The following MFSD2B variants were observed in gnomAD, a reference collection of about 807,000 sequenced individuals.
MFSD2B encodes sphingosine-1-phosphate transporter MFSD2B.
In MFSD2B, 56 loss-of-function variants were observed where a neutral mutation model predicts 58.4. The ratio of observed to expected loss-of-function variants is 0.96; its 90% CI spans 0.77 to 1.20. The LOEUF (loss-of-function observed/expected upper bound fraction) is 1.20, where lower values mean the gene tolerates loss of function less well. MFSD2B is among the 50% of genes most tolerant of loss of function. The probability of loss-of-function intolerance (pLI) is 0.00; values close to 1 mark genes in which losing one functional copy is unlikely to be tolerated. For synonymous variants in MFSD2B, 287 were observed against 294.4 expected (o/e 0.97, Z 0.26); for missense variants, 645 against 667.6 (o/e 0.97, Z 0.37).
At chr2:24,013,171 C>G (rs763913690) in intron 1 of MFSD2B, 114 bp from the exon 2 acceptor site, 2 of 1,119,186 alleles carry the variant, frequency 1.8e-6, no homozygotes, top group Non-Finnish European at 2.4e-6. Flanking sequence ...TGAGAGGTTG[C>G]TGGAAAAGCC....
Position 24,022,967 on chromosome 2 carries a change from G to T in MFSD2B, c.1059+65G>T. 1 of 1,495,128 alleles carries T rather than the reference G, an allele frequency of 6.7e-7. No homozygotes were observed. Among genetic ancestry groups the T allele is most frequent in the African/African-American group, 1.4e-5 (1 of 72,912 alleles). 92.6% of individuals were successfully genotyped at this position (1,495,128 alleles called of 1,614,324 possible). ...GGGAGAGGTGAGCGAGGTGACCTTG[G>T]TGCCTGAGCCTCCTGGGGCCAGCAG... On this transcript the variant is annotated intron_variant, in intron 10 of 13. Coordinates refer to ENST00000338315, the MANE Select transcript of MFSD2B (RefSeq NM_001346880.2). The surrounding 1 kb of genome is among the most constrained non-coding windows in gnomAD (Gnocchi z 4.5).
rs1404129071 is a variant in MFSD2B, at chr2:24,013,344, C to A, written c.156C>A (p.Val52=). 5.0e-6 allele frequency: 8 copies of A among 1,611,886 alleles called. No homozygotes were observed. Among genetic ancestry groups the A allele is most frequent in the Non-Finnish European group, 5.9e-6 (7 of 1,179,176 alleles). The part of the protein sequence containing the change: ...CTKVCYGIGG[V]PNQIASSATA... ...AGGTGTGCTATGGCATTGGTGGGGTCCCCAACCAGATAGCCTCCAGCGCCA... is the reference window on the plus strand; with the variant it reads ...AGGTGTGCTATGGCATTGGTGGGGTACCCAACCAGATAGCCTCCAGCGCCA... Residue 52 remains valine, a synonymous_variant, in exon 2 of 14, where the codon GTC becomes GTA. Transcript: ENST00000338315.
chr2:24,024,015 G>A lies in MFSD2B; in HGVS notation c.1314-80G>A. On this transcript the variant is annotated intron_variant, in intron 12 of 13. Transcript: ENST00000338315. The surrounding 1 kb of genome is among the most constrained non-coding windows in gnomAD (Gnocchi z 4.3). ...TCCACGTTTCAGGAGGGGGTGGGGTGGGGTGAGGTGTCGAGTCCCTCCACC... is the reference window on the plus strand; with the variant it reads ...TCCACGTTTCAGGAGGGGGTGGGGTAGGGTGAGGTGTCGAGTCCCTCCACC... 1 of 1,397,412 alleles carries A rather than the reference G, an allele frequency of 7.2e-7. No homozygotes were observed. The highest frequency in any genetic ancestry group is 9.9e-7 in the Non-Finnish European group (1 of 1,006,182). The allele number at this position is 1,397,412 out of a possible 1,614,324, so 86.6% of individuals were successfully genotyped here.
In MFSD2B at chr2:24,022,900, T is replaced by C. The variant is rs1662848382; in HGVS notation, c.1057T>C (p.Phe353Leu). The C allele has an allele frequency of 6.2e-7, 1 of 1,609,406 alleles. No homozygotes were observed. Among genetic ancestry groups the C allele is most frequent in the African/African-American group, 1.3e-5 (1 of 74,778 alleles). ...FGKKTSAFGIFAMVPFAILLA... is the reference protein window; with the variant it reads ...FGKKTSAFGILAMVPFAILLA... ...GAAGAAGACGTCAGCCTTTGGGATC[T>C]TTGTGAGTGAGGCGGGAATCAAGGA... Residue 353 changes from phenylalanine (F) to leucine (L), a missense_variant and splice_region_variant, in exon 10 of 14, where the codon TTT becomes CTT. Phe to Leu is a conservative substitution (Grantham distance 22). Transcript: ENST00000338315. The surrounding 1 kb of genome is among the most constrained non-coding windows in gnomAD (Gnocchi z 4.5).
rs762865277 is a variant in MFSD2B at position 24,022,911 on chromosome 2, G to C, written c.1059+9G>C. On this transcript the variant is annotated intron_variant, in intron 10 of 13. Coordinates refer to ENST00000338315, the MANE Select transcript of MFSD2B (RefSeq NM_001346880.2). The surrounding 1 kb of genome is among the most constrained non-coding windows in gnomAD (Gnocchi z 4.5). ...CAGCCTTTGGGATCTTTGTGAGTGA[G>C]GCGGGAATCAAGGATTGGGGGTGGC... 1.2e-6 allele frequency: 2 copies of C among 1,606,228 alleles called. No homozygotes were observed. Among genetic ancestry groups the C allele is most frequent in the Middle Eastern group, 1.7e-4 (1 of 6,020 alleles).
chr2:24,025,524 A>G lies in MFSD2B; in HGVS notation c.*68A>G, dbSNP rs765747251. The G allele has an allele frequency of 2.7e-4, 371 of 1,391,888 alleles. 2 individuals carry two copies. Among genetic ancestry groups the G allele is most frequent in the Non-Finnish European group, 9.7e-5 (98 of 1,015,446 alleles). 86.2% of individuals were successfully genotyped at this position (1,391,888 alleles called of 1,614,324 possible). A position where few individuals can be genotyped will look rare whatever the true frequency, so the allele number is the denominator to read the frequency against. On this transcript the variant is annotated 3_prime_UTR_variant, in exon 14 of 14. Transcript: ENST00000338315. ...CTCGGGGCCTGACATCGCCCTCCTC[A>G]GCCCTCCAGCACCTGGTCTGGCAGT...
intron 6 of MFSD2B, among the ~76,000 whole-genome samples, chr2:24,018,999 C>T (rs544758770): frequency 5.3e-4 from 81 of 152,044 alleles, no homozygotes; most frequent in African/African-American, 1.8e-3. Flanking sequence ...TACAGGCATG[C>T]GCCACCACGC....
rs1417964477 is a variant in MFSD2B, at chr2:24,025,803, A to G, written c.*347A>G. 8.1e-6 allele frequency: 2 copies of G among 246,156 alleles called. No individual in the cohort carries two copies. Among genetic ancestry groups the G allele is most frequent in the Non-Finnish European group, 1.6e-5 (2 of 128,018 alleles). The allele number at this position is 246,156 out of a possible 1,614,324, so 15.2% of individuals were successfully genotyped here. A position where few individuals can be genotyped will look rare whatever the true frequency, so the allele number is the denominator to read the frequency against. On this transcript the variant is annotated 3_prime_UTR_variant, in exon 14 of 14. Coordinates refer to ENST00000338315, the MANE Select transcript of MFSD2B (RefSeq NM_001346880.2). ...GAAAACGTTACAGCCGGCTCACTGC[A>G]AAATCCGCCTCCCGGGTTCACGCCA...
Position 24,020,053 on chromosome 2 carries a change from G to A in MFSD2B, c.682-1595G>A, listed in dbSNP as rs924264973. On this transcript the variant is annotated intron_variant, in intron 6 of 13. Coordinates refer to ENST00000338315, the MANE Select transcript of MFSD2B (RefSeq NM_001346880.2). This position sits in a 1 kb window ranked among gnomAD's most constrained non-coding sequence, Gnocchi z 4.1. Reference sequence around the variant, plus strand: ...CTGTACACATGCCTCCCAGCTACACGACCACGTCCAGGACCTGGTGCTAGC... The same window carrying A: ...CTGTACACATGCCTCCCAGCTACACAACCACGTCCAGGACCTGGTGCTAGC... Among the ~76,000 whole-genome samples the A allele has an allele frequency of 2.0e-5, 3 of 152,212 alleles. No homozygotes were observed. The highest frequency in any genetic ancestry group is 2.9e-5 in the Non-Finnish European group (2 of 68,030).
In MFSD2B at chr2:24,016,877, C is replaced by A. The variant is rs1709164834; in HGVS notation, c.380C>A (p.Ala127Asp). The change falls in exon 4 of 14, where the codon GCC becomes GAC. Residue 127 changes from alanine to aspartate, a missense_variant. By Grantham distance (126) the Ala-to-Asp change is moderately radical. Transcript: ENST00000338315. ...GGCTGCACCCCCTTCATCGCCCTGG[C>A]CTACTTCTTCCTGTGGTTCCTGCCC... ...VLGCTPFIALAYFFLWFLPPF... is the reference protein window; with the variant it reads ...VLGCTPFIALDYFFLWFLPPF... 6.2e-7 allele frequency: 1 copy of A among 1,613,712 alleles called. No homozygotes were observed. Among genetic ancestry groups the A allele is most frequent in the African/African-American group, 1.3e-5 (1 of 74,940 alleles).
In MFSD2B at chr2:24,017,874, G is replaced by A. The variant is rs553149473; in HGVS notation, c.681+286G>A. 2.0e-5 allele frequency among the ~76,000 whole-genome samples: 3 copies of A among 152,290 alleles called. No individual in the cohort carries two copies. Among genetic ancestry groups the A allele is most frequent in the South Asian group, 2.1e-4 (1 of 4,824 alleles). On this transcript the variant is annotated intron_variant, in intron 6 of 13. Transcript: ENST00000338315. This position sits in a 1 kb window ranked among gnomAD's most constrained non-coding sequence, Gnocchi z 4.8. ...CCAGCCCCAGAGGAGGGGCGAGGGT[G>A]GGGAAAGCCGCAGGACAGGCTAGGG... is the stretch of plus-strand genomic sequence containing the variant.
Position 24,022,036 on chromosome 2 carries a change from G to A in MFSD2B, c.894+66G>A, listed in dbSNP as rs926718697. The A allele has an allele frequency of 2.1e-5, 33 of 1,599,960 alleles. No homozygotes were observed. The African/African-American group carries it at 3.6e-4, about 18-fold the overall frequency. On this transcript the variant is annotated intron_variant, in intron 8 of 13. Coordinates refer to ENST00000338315, the MANE Select transcript of MFSD2B (RefSeq NM_001346880.2). The surrounding 1 kb of genome is among the most constrained non-coding windows in gnomAD (Gnocchi z 4.5). ...CATGCTGACCTTGCATAGGTTCAGG[G>A]TGCAGTCTTGGCTTGAGTTTTATAG...
rs778896228 is a variant in MFSD2B, at chr2:24,024,179, C to T, written c.1398C>T (p.Thr466=). 4 of 1,613,914 alleles carry T rather than the reference C, an allele frequency of 2.5e-6. No homozygotes were observed. The highest frequency in any genetic ancestry group is 2.2e-5 in the East Asian group (1 of 44,866). ...AAGTCCTCATTGGCGCCGTGCCCAC[C>T]TGCATGATCCTTGCTGGGCTCTGCA... The part of the protein sequence containing the change: ...TLKVLIGAVP[T]CMILAGLCIL... Residue 466 remains threonine, a synonymous_variant, in exon 13 of 14, where the codon ACC becomes ACT. Coordinates refer to ENST00000338315, the MANE Select transcript of MFSD2B (RefSeq NM_001346880.2). This position sits in a 1 kb window ranked among gnomAD's most constrained non-coding sequence, Gnocchi z 4.3.
intron 6 of MFSD2B, among the ~76,000 whole-genome samples, chr2:24,019,832 A>T (rs1236530520): frequency 6.6e-6 from 1 of 152,202 alleles, no homozygotes; most frequent in Non-Finnish European, 1.5e-5. Context: ...CTAGGTGTCC[A>T]CTAAGCACCT....
chr2:24,015,917 C>T (rs547832536), intron 2 of MFSD2B, among the ~76,000 whole-genome samples: 20 of 152,362 alleles, frequency 1.3e-4, no homozygotes, highest in African/African-American at 4.8e-4. Flanking sequence ...GCCCTGGAGT[C>T]CTCTCCGCAG....
intron 1 of MFSD2B, 77 bp from the exon 2 acceptor site, chr2:24,013,208 G>A: frequency 7.0e-7 from 1 of 1,420,814 alleles, no homozygotes; most frequent in East Asian, 2.3e-5. Flanking sequence ...GACTCAGGAT[G>A]TTTACTGAAG....
At position 24,016,324 on chromosome 2, in the gene MFSD2B, GCCCTGAGGTCACTGTTTGTC is replaced by G. The variant is rs1041148587; in HGVS notation, c.347+45_347+64del. 3.8e-6 allele frequency: 6 copies of G among 1,589,982 alleles called. No individual in the cohort carries two copies. The Admixed American group carries it at 1.1e-4, about 28-fold the overall frequency. Reference sequence around the variant, plus strand: ...CTTAGGATCCAGGCACCTGGTCCTGGCCCTGAGGTCACTGTTTGTCACAGCCCTATTTCCTAGCAGAAACC... The same window carrying G: ...CTTAGGATCCAGGCACCTGGTCCTGGACAGCCCTATTTCCTAGCAGAAACC... On this transcript the variant is annotated intron_variant, in intron 3 of 13. Transcript: ENST00000338315.
At chr2:24,015,084 A>G (rs1709090453) in intron 2 of MFSD2B, among the ~76,000 whole-genome samples, 2 of 152,114 alleles carry the variant, frequency 1.3e-5, no homozygotes, top group African/African-American at 2.4e-5. Context: ...GCACCACCAC[A>G]TTCCAGCCTG....
intron 2 of MFSD2B, among the ~76,000 whole-genome samples, chr2:24,014,595 A>G (rs1709074207): frequency 6.6e-6 from 1 of 152,218 alleles, no homozygotes. Flanking sequence ...TGCTCTGGTG[A>G]AAAAGAAAAG....
Sources: allele counts gnomAD v4.1 joint callset (sites outside exome capture counted in the v4.1 genomes callset), GRCh38; gene constraint gnomAD v4.1.1; non-coding constraint Gnocchi (gnomAD v3.1); transcripts MANE v1.5; gene names NCBI Gene and HGNC (gene_info 2026-07-23, HGNC 2026-07-21).